RPSA2: variants seen among roughly 807,000 people sequenced by gnomAD.
RPSA2 encodes small ribosomal subunit protein uS2B.
At chr19:23,808,811 C>T in the RPSA2 span, 21 of 888,580 alleles carry the variant, frequency 2.4e-5, no homozygotes, top group Non-Finnish European at 3.3e-5. Context: ...GGATGAACCC[C>T]CAGGTAGGTT....
At chr19:23,776,665 A>G in the RPSA2 span, among the ~76,000 whole-genome samples, 77 of 152,254 alleles carry the variant, frequency 5.1e-4, no homozygotes, top group East Asian at 0.014. Flanking sequence ...GCTAGGCCCC[A>G]TACCTAGCTG....
the RPSA2 span, among the ~76,000 whole-genome samples, chr19:23,777,334 C>G: frequency 4.6e-5 from 7 of 152,228 alleles, no homozygotes; most frequent in Non-Finnish European, 7.3e-5. Context: ...GGTGATGTAA[C>G]TCTCCTGCAT....
At chr19:23,777,074 C>G in the RPSA2 span, among the ~76,000 whole-genome samples, 1 of 151,862 alleles carries the variant, frequency 6.6e-6, no homozygotes, top group Non-Finnish European at 1.5e-5. Flanking sequence ...GTGATTGTGA[C>G]ACATAGCTTG....
chr19:23,846,484 A>T, the RPSA2 span, among the ~76,000 whole-genome samples: 1 of 151,870 alleles, frequency 6.6e-6, no homozygotes, highest in Admixed American at 6.6e-5. Flanking sequence ...TATATGTTTT[A>T]ATGATGGTGA....
chr19:23,832,993 G>T, the RPSA2 span: 1 of 1,447,002 alleles, frequency 6.9e-7, no homozygotes, highest in South Asian at 1.2e-5. Flanking sequence ...ATGTGGCAAA[G>T]CCTTTAGGCA....
At chr19:23,853,929 C>T in the RPSA2 span, among the ~76,000 whole-genome samples, 1 of 152,188 alleles carries the variant, frequency 6.6e-6, no homozygotes, top group Non-Finnish European at 1.5e-5. Flanking sequence ...ATAATAGAAA[C>T]ATCAATCCCA....
chr19:23,827,456 A>G, the RPSA2 span: 15 of 1,554,450 alleles, frequency 9.6e-6, no homozygotes, highest in South Asian at 4.4e-5. Context: ...AGCCACTCCA[A>G]TTGCTGGCCG....
chr19:23,821,520 G>A, the RPSA2 span, among the ~76,000 whole-genome samples: 1 of 152,134 alleles, frequency 6.6e-6, no homozygotes, highest in Non-Finnish European at 1.5e-5. Flanking sequence ...CACTTCTAAT[G>A]TGACCATGGG....
At chr19:23,820,339 C>G in the RPSA2 span, among the ~76,000 whole-genome samples, 3 of 152,186 alleles carry the variant, frequency 2.0e-5, no homozygotes, top group African/African-American at 7.2e-5. Flanking sequence ...TTGGAGGCCA[C>G]CATTTCAGGG....
the RPSA2 span, chr19:23,818,793 A>G: frequency 1.3e-5 from 2 of 152,594 alleles, no homozygotes; most frequent in African/African-American, 4.8e-5. Context: ...ATGAACCTCC[A>G]ACTAGGTTCT....
chr19:23,795,821 G>A, the RPSA2 span, among the ~76,000 whole-genome samples: 1 of 152,154 alleles, frequency 6.6e-6, no homozygotes, highest in Non-Finnish European at 1.5e-5. Context: ...TGTCTCCCAG[G>A]CTGGATTGCA....
the RPSA2 span, among the ~76,000 whole-genome samples, chr19:23,859,067 T>G: frequency 6.6e-6 from 1 of 152,202 alleles, no homozygotes; most frequent in Non-Finnish European, 1.5e-5. Context: ...TGTGTCCATC[T>G]ACTCGATTTC....
At chr19:23,802,924 C>A in the RPSA2 span, among the ~76,000 whole-genome samples, 1 of 152,052 alleles carries the variant, frequency 6.6e-6, no homozygotes, top group African/African-American at 2.4e-5. Context: ...TATTTATAAA[C>A]AAGAGTTATT....
At chr19:23,767,768 T>G in the RPSA2 span, among the ~76,000 whole-genome samples, 1 of 141,164 alleles carries the variant, frequency 7.1e-6, no homozygotes, top group Non-Finnish European at 1.5e-5. Flanking sequence ...TCAGTTTTTT[T>G]TTTTTTTTTT....
chr19:23,812,135 T>C, the RPSA2 span, among the ~76,000 whole-genome samples: 2 of 152,190 alleles, frequency 1.3e-5, no homozygotes, highest in Non-Finnish European at 2.9e-5. Context: ...CTTGTAGTTC[T>C]ATATTGTGGT....
the RPSA2 span, among the ~76,000 whole-genome samples, chr19:23,809,821 T>C: frequency 1.3e-3 from 203 of 152,352 alleles, no homozygotes; most frequent in Non-Finnish European, 2.4e-3. Context: ...CTTTAAATTT[T>C]TCTTTTGACT....
chr19:23,853,445 G>C, the RPSA2 span, among the ~76,000 whole-genome samples: 1 of 152,216 alleles, frequency 6.6e-6, no homozygotes, highest in Non-Finnish European at 1.5e-5. Flanking sequence ...AACCAATTGA[G>C]TTAAAGCCTC....
chr19:23,780,999 C>G, the RPSA2 span, among the ~76,000 whole-genome samples: 1 of 152,108 alleles, frequency 6.6e-6, no homozygotes, highest in Non-Finnish European at 1.5e-5. Flanking sequence ...TTCTTTGAGA[C>G]AGTCTCGCTC....
At chr19:23,835,713 T>G in the RPSA2 span, among the ~76,000 whole-genome samples, 1 of 152,144 alleles carries the variant, frequency 6.6e-6, no homozygotes, top group African/African-American at 2.4e-5. Flanking sequence ...CTTGGCTCAC[T>G]GTAGCCTCTG....
Sources: allele counts gnomAD v4.1 joint callset (sites outside exome capture counted in the v4.1 genomes callset), GRCh38; gene constraint gnomAD v4.1.1; transcripts MANE v1.5; gene names NCBI Gene and HGNC (gene_info 2026-07-23, HGNC 2026-07-21).